The following RSPO1 variants were observed in gnomAD, a reference collection of about 807,000 sequenced individuals.
RSPO1 encodes R-spondin 1, also known as R-spondin-1.
A neutral mutation model predicts 26.0 loss-of-function variants in RSPO1; 18 were observed. That is an observed-to-expected ratio of 0.69 (90% CI 0.48 to 1.03). RSPO1 has a LOEUF of 1.03. RSPO1 is among the 50% of genes least tolerant of loss of function. The probability of loss-of-function intolerance (pLI) is 0.00; values close to 1 mark genes in which losing one functional copy is unlikely to be tolerated. For synonymous variants in RSPO1, 133 were observed against 137.4 expected, an observed-to-expected ratio of 0.97 and a Z score of 0.22; for missense variants, 309 against 352.3, an observed-to-expected ratio of 0.88 and a Z score of 0.98.
chr1:37,630,494 T>TC (rs1644342584), intron 2 of RSPO1, among the ~76,000 whole-genome samples: 2 of 152,128 alleles, frequency 1.3e-5, no homozygotes, highest in Non-Finnish European at 2.9e-5. Flanking sequence ...AAGTAAGGCT[T>TC]CCCCCGGCCA....
chr1:37,631,992 C>CA (rs1233767408), intron 2 of RSPO1: 4 of 152,256 alleles, frequency 2.6e-5, no homozygotes, highest in Non-Finnish European at 5.9e-5. Flanking sequence ...CCTGGTAGAT[C>CA]TGTTCCATGA....
chr1:37,613,686 G>A lies in RSPO1; in HGVS notation c.625+18C>T, dbSNP rs1450917173. ...GTGCCTGAGCCCTGACCCCAGGGAG[G>A]CAGAGGCTGCAGCTCACCCTCAGGA... On this transcript the variant is annotated intron_variant, in intron 6 of 6. Transcript: ENST00000356545. This position sits in a 1 kb window ranked among gnomAD's most constrained non-coding sequence, Gnocchi z 4.5. The A allele has an allele frequency of 3.7e-6, 6 of 1,602,812 alleles. No homozygotes were observed. Among genetic ancestry groups the A allele is most frequent in the African/African-American group, 1.3e-5 (1 of 74,692 alleles).
chr1:37,613,706 T>A lies in RSPO1; in HGVS notation c.623A>T (p.Glu208Val). The change falls in exon 6 of 7, where the codon GAG becomes GTG. Residue 208 changes from glutamate (E) to valine (V), a missense_variant and splice_region_variant. Glu to Val is a moderately radical substitution (Grantham distance 121). Transcript: ENST00000356545. The surrounding 1 kb of genome is among the most constrained non-coding windows in gnomAD (Gnocchi z 4.5). ...GGGAGGCAGAGGCTGCAGCTCACCC[T>A]CAGGACACGGCACTCTCCTCACTGT... ...RCTVRRVPCPEGQKRRKGGQG... is the reference protein window; with the variant it reads ...RCTVRRVPCPVGQKRRKGGQG... 6.2e-7 allele frequency: 1 copy of A among 1,612,852 alleles called. No homozygotes were observed. The highest frequency in any genetic ancestry group is 8.5e-7 in the Non-Finnish European group (1 of 1,179,606).
At chr1:37,630,210 CG>C (rs1644337670) in intron 2 of RSPO1, among the ~76,000 whole-genome samples, 1 of 152,234 alleles carries the variant, frequency 6.6e-6, no homozygotes, top group Admixed American at 6.5e-5. Flanking sequence ...TTCTCAATAA[CG>C]GGAGCCAGCT....
intron 3 of RSPO1, among the ~76,000 whole-genome samples, chr1:37,628,542 G>T (rs894581441): frequency 6.6e-6 from 1 of 152,218 alleles, no homozygotes. Context: ...GCCTGTGGGT[G>T]TGGCATCTTC....
At chr1:37,632,885 C>T (rs899386231) in intron 1 of RSPO1, among the ~76,000 whole-genome samples, 6 of 152,132 alleles carry the variant, frequency 3.9e-5, no homozygotes, top group Admixed American at 2.6e-4. Flanking sequence ...AAGCAGGCTG[C>T]TTCATTTCTT....
At chr1:37,614,670 C>T (rs1031602107) in intron 4 of RSPO1, among the ~76,000 whole-genome samples, 1 of 152,152 alleles carries the variant, frequency 6.6e-6, no homozygotes, top group Non-Finnish European at 1.5e-5. Flanking sequence ...GCCGTCTGGG[C>T]CTGGTGGGGG....
rs1644063223 is a variant in RSPO1 at position 37,613,770 on chromosome 1, G to T, written c.559C>A (p.His187Asn). 2 of 1,613,980 alleles carry T rather than the reference G, an allele frequency of 1.2e-6. No homozygotes were observed. Among genetic ancestry groups the T allele is most frequent in the Non-Finnish European group, 1.7e-6 (2 of 1,179,972 alleles). Residue 187 changes from histidine to asparagine, a missense_variant, in exon 6 of 7, where the codon CAT becomes AAT. By Grantham distance (68) the His-to-Asn change is moderately conservative. Coordinates refer to ENST00000356545, the MANE Select transcript of RSPO1 (RefSeq NM_001242908.2). This position sits in a 1 kb window ranked among gnomAD's most constrained non-coding sequence, Gnocchi z 4.5. The stretch of plus-strand genomic sequence containing the variant: ...TCCTTGGTGTCAGAGCAGGCAGCAT[G>T]GTCCCCCACAGGGGCATGTAGCACC... ...RRVLHAPVGD[H>N]AACSDTKETR... is the part of the protein sequence containing the mutation.
chr1:37,620,660 A>G (rs1644186995), intron 3 of RSPO1, among the ~76,000 whole-genome samples: 1 of 149,732 alleles, frequency 6.7e-6, no homozygotes, highest in African/African-American at 2.4e-5. Context: ...TAATAATAAT[A>G]TATGATAAAA....
intron 4 of RSPO1, among the ~76,000 whole-genome samples, chr1:37,615,306 TAAG>T (rs1351552365): frequency 4.6e-5 from 7 of 152,226 alleles, no homozygotes; most frequent in Middle Eastern, 6.8e-3. Context: ...GCCAGTCAAA[TAAG>T]AACAAAAATA....
chr1:37,619,816 C>T (rs934487575), intron 3 of RSPO1, among the ~76,000 whole-genome samples: 8 of 151,516 alleles, frequency 5.3e-5, no homozygotes, highest in African/African-American at 9.7e-5. Flanking sequence ...GGCACAATCT[C>T]GGCTCACTGC....
chr1:37,633,526 C>T (rs1358421511), intron 1 of RSPO1, among the ~76,000 whole-genome samples: 1 of 152,208 alleles, frequency 6.6e-6, no homozygotes, highest in African/African-American at 2.4e-5. Context: ...TAAAGTGGTA[C>T]TCCATCAGGG....
At position 37,614,909 on chromosome 1, in the gene RSPO1, G is replaced by A. The variant is rs571113411; in HGVS notation, c.287-576C>T. Among the ~76,000 whole-genome samples, 142 of 152,354 alleles carry A rather than the reference G, an allele frequency of 9.3e-4. 1 individual carries two copies. Among genetic ancestry groups the A allele is most frequent in the African/African-American group, 3.3e-3 (137 of 41,578 alleles). On this transcript the variant is annotated intron_variant, in intron 4 of 6. Coordinates refer to ENST00000356545, the MANE Select transcript of RSPO1 (RefSeq NM_001242908.2). ...CAAATGCCTCTGCCTCTGCAAGGCT[G>A]AGTTCCAGCAACAACCTTGGTAGGA...
In RSPO1 at chr1:37,629,571, G is replaced by A. The variant is rs772445254; in HGVS notation, c.91C>T (p.Arg31Trp). The stretch of plus-strand genomic sequence containing the variant: ...CCCACCATGCTCCATTACTCACTCC[G>A]CCTCTGCCTTTTCCCCTTGATCCCC... ...SRGIKGKRQRRISAEGSQACA... is the reference protein window; with the variant it reads ...SRGIKGKRQRWISAEGSQACA... Residue 31 changes from arginine to tryptophan, a missense_variant, in exon 3 of 7, where the codon CGG (arginine) becomes TGG (tryptophan). By Grantham distance (101) the Arg-to-Trp change is moderately radical. Transcript: ENST00000356545. 1.5e-5 allele frequency: 25 copies of A among 1,613,762 alleles called. No individual in the cohort carries two copies. Among genetic ancestry groups the A allele is most frequent in the Middle Eastern group, 1.6e-4 (1 of 6,082 alleles).
chr1:37,613,061 T>G lies in RSPO1; in HGVS notation c.626-140A>C, dbSNP rs1194167707. On this transcript the variant is annotated intron_variant, in intron 6 of 6. Coordinates refer to ENST00000356545, the MANE Select transcript of RSPO1 (RefSeq NM_001242908.2). The surrounding 1 kb of genome is among the most constrained non-coding windows in gnomAD (Gnocchi z 4.5). ...GGCTGGAGATGCTGCCTCTAGGTAGTTGGGTCATCGTGACCTCCTCTGACA... is the reference window on the plus strand; with the variant it reads ...GGCTGGAGATGCTGCCTCTAGGTAGGTGGGTCATCGTGACCTCCTCTGACA... The G allele has an allele frequency of 1.6e-5, 15 of 933,606 alleles. 1 individual carries two copies. The highest frequency in any genetic ancestry group is 1.5e-4 in the South Asian group (11 of 72,154). The allele number at this position is 933,606 out of a possible 1,614,324, so 57.8% of individuals were successfully genotyped here.
At chr1:37,616,786 T>G in intron 3 of RSPO1, 111 bp from the exon 4 acceptor site, 1 of 1,050,244 alleles carries the variant, frequency 9.5e-7, no homozygotes, top group East Asian at 2.5e-5. Flanking sequence ...ACAGAAGGAA[T>G]ATGCTTCTCA....
chr1:37,630,583 A>G (rs1188124477), intron 2 of RSPO1, among the ~76,000 whole-genome samples: 1 of 152,236 alleles, frequency 6.6e-6, no homozygotes, highest in Non-Finnish European at 1.5e-5. Context: ...CGCCCTGGCC[A>G]GAGACACAGA....
At chr1:37,621,293 C>G (rs1004699890) in intron 3 of RSPO1, among the ~76,000 whole-genome samples, 2 of 152,136 alleles carry the variant, frequency 1.3e-5, no homozygotes, top group Non-Finnish European at 2.9e-5. Context: ...CAGAAGGAAT[C>G]AGTGGGAGGT....
At position 37,612,632 on chromosome 1, in the gene RSPO1, A is replaced by G. The variant is rs1478605720; in HGVS notation, c.*123T>C. ...GAGCGTGTGTGTCTTGTGTCTATGT[A>G]TGCATGGATGGATTGGAGTGTGTGT... On this transcript the variant is annotated 3_prime_UTR_variant, in exon 7 of 7. Transcript: ENST00000356545. 8 of 998,338 alleles carry G rather than the reference A, an allele frequency of 8.0e-6. No individual in the cohort carries two copies. In the South Asian group the frequency reaches 9.2e-5, roughly 11 times the overall value. 61.8% of individuals were successfully genotyped at this position (998,338 alleles called of 1,614,324 possible).
Sources: allele counts gnomAD v4.1 joint callset (sites outside exome capture counted in the v4.1 genomes callset), GRCh38; gene constraint gnomAD v4.1.1; non-coding constraint Gnocchi (gnomAD v3.1); transcripts MANE v1.5; gene names NCBI Gene and HGNC (gene_info 2026-07-23, HGNC 2026-07-21).